Variants in METTL25 observed in about 807,000 individuals in gnomAD.
The protein encoded by METTL25 is probable methyltransferase-like protein 25.
Under a neutral mutation model 71.6 loss-of-function variants are expected in METTL25, and 64 were observed. The ratio of observed to expected loss-of-function variants is 0.89; its 90% CI spans 0.73 to 1.10. The LOEUF is 1.10. METTL25 is among the 50% of genes least tolerant of loss of function. The pLI, the probability that METTL25 is intolerant of heterozygous loss-of-function variation, is 0.00. For synonymous variants in METTL25, 287 were observed against 250.3 expected (o/e 1.15, Z -1.38); for missense variants, 807 against 707.0 (o/e 1.14, Z -1.60).
At chr12:82,435,756 A>T (rs948697475) in intron 7 of METTL25, among the ~76,000 whole-genome samples, 3 of 151,496 alleles carry the variant, frequency 2.0e-5, no homozygotes, top group Non-Finnish European at 3.0e-5. Flanking sequence ...TACAATGCTT[A>T]AAACAATGTC....
intron 9 of METTL25, among the ~76,000 whole-genome samples, chr12:82,469,718 G>C (rs1892460390): frequency 6.6e-6 from 1 of 151,810 alleles, no homozygotes; most frequent in East Asian, 1.9e-4. Flanking sequence ...ATATTATTGA[G>C]GTTAATCTTT....
intron 1 of METTL25, among the ~76,000 whole-genome samples, chr12:82,361,081 A>G (rs1308361667): frequency 6.6e-6 from 1 of 152,080 alleles, no homozygotes; most frequent in African/African-American, 2.4e-5. Context: ...TTATTCTCTT[A>G]TCTGACCCCA....
intron 1 of METTL25, among the ~76,000 whole-genome samples, chr12:82,378,274 G>A (rs1027721331): frequency 2.6e-5 from 4 of 152,006 alleles, no homozygotes; most frequent in Non-Finnish European, 4.4e-5. Flanking sequence ...TATTTTACTT[G>A]TTTATTTTCT....
At chr12:82,427,263 G>A (rs77640484) in intron 5 of METTL25, among the ~76,000 whole-genome samples, 232 of 151,938 alleles carry the variant, frequency 1.5e-3, no homozygotes, top group African/African-American at 5.3e-3. Context: ...ATTGCTAATC[G>A]TAGACTGTGT....
intron 8 of METTL25, among the ~76,000 whole-genome samples, chr12:82,454,161 A>T (rs766533207): frequency 5.9e-5 from 9 of 152,002 alleles, no homozygotes; most frequent in Non-Finnish European, 1.2e-4. Flanking sequence ...CTGGCTTAAA[A>T]TATCAAGGGG....
rs372708650 is a variant in METTL25, at chr12:82,425,798, T to C, written c.1280-5095T>C. ...ATGTATGTATAAGAATTTAGAATAATGGAAAATGGTTCTAAAGTTCAAGCT... is the reference window on the plus strand; with the variant it reads ...ATGTATGTATAAGAATTTAGAATAACGGAAAATGGTTCTAAAGTTCAAGCT... On this transcript the variant is annotated intron_variant, in intron 5 of 11. Transcript: ENST00000248306. Among the ~76,000 whole-genome samples, 18 of 152,146 alleles carry C rather than the reference T, an allele frequency of 1.2e-4. No individual in the cohort carries two copies. In the East Asian group the frequency reaches 1.4e-3, roughly 11 times the overall value.
chr12:82,371,234 TA>T (rs1883198425), intron 1 of METTL25, among the ~76,000 whole-genome samples: 1 of 152,138 alleles, frequency 6.6e-6, no homozygotes, highest in African/African-American at 2.4e-5. Flanking sequence ...CCTCAATTGT[TA>T]AAAGTACCCG....
chr12:82,360,969 C>T (rs1006756425), intron 1 of METTL25, among the ~76,000 whole-genome samples: 10 of 152,116 alleles, frequency 6.6e-5, no homozygotes, highest in African/African-American at 1.2e-4. Flanking sequence ...AGCTCACAAA[C>T]GCAGTGTGGA....
At chr12:82,423,477 C>T (rs1888705844) in intron 5 of METTL25, among the ~76,000 whole-genome samples, 1 of 152,188 alleles carries the variant, frequency 6.6e-6, no homozygotes, top group African/African-American at 2.4e-5. Context: ...AGGACATAGG[C>T]ATGGGCAAGG....
rs138627048 is a variant in METTL25 at position 82,388,410 on chromosome 12, A to G, written c.425-1406A>G. 2.7e-3 allele frequency among the ~76,000 whole-genome samples: 411 copies of G among 152,168 alleles called. 1 individual carries two copies. The highest frequency in any genetic ancestry group is 4.5e-3 in the Non-Finnish European group (303 of 67,996). ...TGTTTGGTGAATTATGGCTCTTGGT[A>G]AGAACCATTATAGCTGCAAATGGGT... On this transcript the variant is annotated intron_variant, in intron 2 of 11. Transcript: ENST00000248306.
At chr12:82,429,164 C>T (rs1455543147) in intron 5 of METTL25, among the ~76,000 whole-genome samples, 1 of 151,558 alleles carries the variant, frequency 6.6e-6, no homozygotes, top group Non-Finnish European at 1.5e-5. Flanking sequence ...TATGTTTGTA[C>T]CAATTAATCT....
At chr12:82,475,623 C>T (rs1892839191) in intron 9 of METTL25, among the ~76,000 whole-genome samples, 1 of 151,894 alleles carries the variant, frequency 6.6e-6, no homozygotes, top group Admixed American at 6.6e-5. Flanking sequence ...TTGTTCTGAC[C>T]ACATTTAATT....
chr12:82,434,772 A>T, intron 7 of METTL25, 48 bp downstream of exon 7: 1 of 1,486,496 alleles, frequency 6.7e-7, no homozygotes, highest in Non-Finnish European at 9.4e-7. Context: ...TCTCTCAAGT[A>T]CTCTTCATAC....
At chr12:82,430,334 A>T (rs539478961) in intron 5 of METTL25, among the ~76,000 whole-genome samples, 3 of 151,292 alleles carry the variant, frequency 2.0e-5, no homozygotes, top group Non-Finnish European at 4.4e-5. Flanking sequence ...AACAGGTGCA[A>T]TTGAGCTGAA....
At chr12:82,441,505 A>G (rs1890323734) in intron 8 of METTL25, among the ~76,000 whole-genome samples, 1 of 151,844 alleles carries the variant, frequency 6.6e-6, no homozygotes, top group African/African-American at 2.4e-5. Context: ...CCTGCTAAGT[A>G]CAACTAAATC....
At position 82,399,040 on chromosome 12, in the gene METTL25, G is replaced by A. The variant is rs1565828692; in HGVS notation, c.777G>A (p.Glu259=). The change falls in exon 4 of 12, where the codon GAG becomes GAA. Residue 259 remains glutamate (E), a synonymous_variant. Transcript: ENST00000248306. ...QNKVKNKADT[E]EVFNNSPTNQ... ...AAGTTAAAAATAAAGCTGATACTGA[G>A]GAAGTGTTTAACAACAGTCCTACAA... 1 of 1,612,374 alleles carries A rather than the reference G, an allele frequency of 6.2e-7. No homozygotes were observed. The highest frequency in any genetic ancestry group is 8.5e-7 in the Non-Finnish European group (1 of 1,179,148).
intron 5 of METTL25, among the ~76,000 whole-genome samples, chr12:82,405,454 A>G (rs1592666277): frequency 6.6e-6 from 1 of 152,140 alleles, no homozygotes; most frequent in Non-Finnish European, 1.5e-5. Context: ...AGAAGGTGTC[A>G]TTACTGCCTT....
chr12:82,434,224 A>G (rs1010979895), intron 6 of METTL25, among the ~76,000 whole-genome samples: 3 of 151,442 alleles, frequency 2.0e-5, no homozygotes, highest in Non-Finnish European at 4.4e-5. Flanking sequence ...GTTTTTAATT[A>G]TAATCTGGAT....
chr12:82,407,006 C>G (rs1390179641), intron 5 of METTL25, among the ~76,000 whole-genome samples: 1 of 151,644 alleles, frequency 6.6e-6, no homozygotes, highest in Non-Finnish European at 1.5e-5. Context: ...TATTCTTGCT[C>G]ATGTCTTTCA....
Sources: allele counts gnomAD v4.1 joint callset (sites outside exome capture counted in the v4.1 genomes callset), GRCh38; gene constraint gnomAD v4.1.1; transcripts MANE v1.5; gene names NCBI Gene and HGNC (gene_info 2026-07-23, HGNC 2026-07-21).